GRB10: variants seen among roughly 807,000 people sequenced by gnomAD.
GRB10 encodes the protein growth factor receptor-bound protein 10.
GRB10 carries 20 observed loss-of-function variants against 80.9 expected under a neutral mutation model. The observed-to-expected ratio is 0.25, with a 90% CI of 0.17 to 0.36. The LOEUF is 0.36. Among genes scored for constraint, GRB10 ranks in the 10% least tolerant of loss-of-function variants. The pLI is 1.00. For synonymous variants in GRB10, 291 were observed against 291.5 expected (o/e 1.00, Z 0.02); for missense variants, 548 against 747.7 (o/e 0.73, Z 3.12).
chr7:50,752,974 T>C (rs1398119655), intron 3 of GRB10, among the ~76,000 whole-genome samples: 1 of 152,194 alleles, frequency 6.6e-6, no homozygotes, highest in Non-Finnish European at 1.5e-5. Flanking sequence ...ACTGAGACCA[T>C]TGGGACCATT....
chr7:50,700,625 G>C (rs2064055003), intron 5 of GRB10, among the ~76,000 whole-genome samples: 1 of 151,868 alleles, frequency 6.6e-6, no homozygotes, highest in African/African-American at 2.4e-5. Context: ...TACCACCTTT[G>C]CAGCATTGTA....
intron 2 of GRB10, among the ~76,000 whole-genome samples, chr7:50,768,487 C>T (rs1451592770): frequency 6.6e-6 from 1 of 152,172 alleles, no homozygotes; most frequent in African/African-American, 2.4e-5. Context: ...CTCTATGTTT[C>T]CCCTTAGTCC....
intron 4 of GRB10, among the ~76,000 whole-genome samples, chr7:50,723,794 C>G (rs1037962476): frequency 1.3e-5 from 2 of 152,216 alleles, no homozygotes; most frequent in South Asian, 2.1e-4. Flanking sequence ...TCCCGCTGGC[C>G]ACATGACCCT....
chr7:50,670,870 T>C (rs2060286784), intron 6 of GRB10, among the ~76,000 whole-genome samples: 1 of 152,186 alleles, frequency 6.6e-6, no homozygotes, highest in Non-Finnish European at 1.5e-5. Context: ...TGTGTCCACA[T>C]TAGAAACACA....
chr7:50,688,558 C>T (rs1401461947), intron 5 of GRB10, among the ~76,000 whole-genome samples: 1 of 152,102 alleles, frequency 6.6e-6, no homozygotes, highest in East Asian at 1.9e-4. Context: ...AACAGCGGTT[C>T]CAGAAAGGTA....
At chr7:50,707,368 A>G (rs1462803596) in intron 4 of GRB10, among the ~76,000 whole-genome samples, 1 of 152,138 alleles carries the variant, frequency 6.6e-6, no homozygotes, top group Non-Finnish European at 1.5e-5. Flanking sequence ...CACGTGTTAT[A>G]ATCTTACACA....
chr7:50,699,981 C>CA (rs1375110793), intron 5 of GRB10, among the ~76,000 whole-genome samples: 3 of 151,282 alleles, frequency 2.0e-5, no homozygotes, highest in Non-Finnish European at 4.4e-5. Context: ...TAAAAAATAC[C>CA]AAAAAAAATT....
intron 7 of GRB10, among the ~76,000 whole-genome samples, chr7:50,629,768 T>C (rs1183917254): frequency 1.3e-5 from 2 of 152,250 alleles, no homozygotes; most frequent in African/African-American, 2.4e-5. Context: ...AGGAGCATTC[T>C]GTACAGCACC....
chr7:50,632,916 G>C (rs969399160), intron 7 of GRB10, among the ~76,000 whole-genome samples: 1 of 152,104 alleles, frequency 6.6e-6, no homozygotes, highest in Non-Finnish European at 1.5e-5. Context: ...GCCTGGTCAC[G>C]GGCTTGCCAG....
intron 4 of GRB10, among the ~76,000 whole-genome samples, chr7:50,709,138 A>G (rs534618920): frequency 2.6e-5 from 4 of 152,340 alleles, no homozygotes; most frequent in African/African-American, 7.2e-5. Context: ...AACTTGCCAA[A>G]GTCAGAACAA....
At chr7:50,609,735 G>A (rs138943771) in intron 13 of GRB10, among the ~76,000 whole-genome samples, 1 of 152,276 alleles carries the variant, frequency 6.6e-6, no homozygotes, top group East Asian at 1.9e-4. Flanking sequence ...AGGAAAGATG[G>A]CAATAAATAA....
chr7:50,649,953 G>A (rs1266974111), intron 7 of GRB10, among the ~76,000 whole-genome samples: 1 of 152,178 alleles, frequency 6.6e-6, no homozygotes, highest in Admixed American at 6.5e-5. Context: ...CCTTTCAGTG[G>A]TGACTTGTCC....
intron 7 of GRB10, among the ~76,000 whole-genome samples, chr7:50,656,951 C>G (rs1217665031): frequency 2.0e-5 from 3 of 152,204 alleles, no homozygotes; most frequent in East Asian, 3.9e-4. Flanking sequence ...GCAACAGCTG[C>G]ACTCCAGGCA....
At chr7:50,703,585 T>C (rs886772952) in intron 5 of GRB10, among the ~76,000 whole-genome samples, 3 of 152,252 alleles carry the variant, frequency 2.0e-5, no homozygotes, top group Non-Finnish European at 4.4e-5. Context: ...ATAACTCGTA[T>C]GAAACTGATC....
At chr7:50,788,529 CAT>C (rs1466215260) in intron 1 of GRB10, among the ~76,000 whole-genome samples, 1 of 152,224 alleles carries the variant, frequency 6.6e-6, no homozygotes, top group Non-Finnish European at 1.5e-5. Context: ...TGACCCAGCA[CAT>C]GAGGATCCCA....
intron 12 of GRB10, 75 bp downstream of exon 12, chr7:50,614,695 T>G: frequency 2.2e-6 from 2 of 889,200 alleles, no homozygotes; most frequent in South Asian, 1.3e-5. Flanking sequence ...AACAATCAAG[T>G]GCTGGGCAAG....
At chr7:50,737,725 T>C (rs2153695097) in intron 3 of GRB10, among the ~76,000 whole-genome samples, 1 of 152,298 alleles carries the variant, frequency 6.6e-6, no homozygotes, top group South Asian at 2.1e-4. Context: ...GGCAGGCACC[T>C]GCAATCCCAG....
At chr7:50,757,426 AC>A (rs1311502107) in intron 2 of GRB10, among the ~76,000 whole-genome samples, 1 of 152,250 alleles carries the variant, frequency 6.6e-6, no homozygotes, top group Non-Finnish European at 1.5e-5. Flanking sequence ...TGTGAAACAC[AC>A]CAGCCACCTG....
At chr7:50,774,245 G>C (rs908910593) in intron 2 of GRB10, among the ~76,000 whole-genome samples, 5 of 152,200 alleles carry the variant, frequency 3.3e-5, no homozygotes, top group African/African-American at 1.2e-4. Context: ...GCTAAAGGGT[G>C]CAGGGTCTCT....
Sources: gnomAD v4.1 joint callset for allele counts (sites outside exome capture counted in the v4.1 genomes callset) on GRCh38, gnomAD v4.1.1 for gene constraint, MANE v1.5 for transcripts, NCBI Gene and HGNC (gene_info 2026-07-23, HGNC 2026-07-21) for gene names.